Variants in ZNF530 observed in about 807,000 individuals in gnomAD.
The protein encoded by ZNF530 is zinc finger protein 530.
In ZNF530, 5 loss-of-function variants were observed where a neutral mutation model predicts 2.8. The observed-to-expected ratio is 1.80, with a 90% confidence interval of 0.94 to 3.78. The LOEUF is 3.78. Ranked by LOEUF, ZNF530 falls within the 30% of genes most tolerant of loss-of-function variation. ZNF530 has a pLI of 0.00. For missense variants in ZNF530, 619 were observed against 673.3 expected, an observed-to-expected ratio of 0.92 and a Z score of 0.89; for synonymous variants, 229 against 235.0, an observed-to-expected ratio of 0.97 and a Z score of 0.23.
chr19:57,601,046 G>T (rs1283327281), intron 2 of ZNF530, among the ~76,000 whole-genome samples: 1 of 152,222 alleles, frequency 6.6e-6, no homozygotes, highest in Non-Finnish European at 1.5e-5. Flanking sequence ...AGAACCTCAA[G>T]TCTCATTTCC....
rs1239750418 is a variant in ZNF530, at chr19:57,608,921, G to C, written c.*1596G>C. 1 of 151,874 alleles carries C rather than the reference G, an allele frequency of 6.6e-6. No homozygotes were observed. Among genetic ancestry groups the C allele is most frequent in the African/African-American group, 2.4e-5 (1 of 41,292 alleles). The allele number at this position is 151,874 out of a possible 1,614,324, so 9.4% of individuals were successfully genotyped here. ...GGCCAAGGTGGTGAAACCCTGGAAG[G>C]CTGAGGCAGATAATTGCTTGAACTT... On this transcript the variant is annotated 3_prime_UTR_variant, in exon 4 of 4. Transcript: ENST00000597700.
At position 57,607,347 on chromosome 19, in the gene ZNF530, C is replaced by CTT. The variant is rs10715037; in HGVS notation, c.*37_*38dup. ...GTGAATGTGGGAAATTATTTTGTCA[C>CTT]TTTTTTTTTTTTTTTTGAGATGGAA... On this transcript the variant is annotated 3_prime_UTR_variant, in exon 4 of 4. Coordinates refer to ENST00000597700, the MANE Select transcript of ZNF530 (RefSeq NM_001321981.2). 481 of 1,388,166 alleles carry CTT rather than the reference C, an allele frequency of 3.5e-4. No homozygotes were observed. Among genetic ancestry groups the CTT allele is most frequent in the Admixed American group, 1.3e-3 (55 of 43,100 alleles). The allele number at this position is 1,388,166 out of a possible 1,614,324, so 86.0% of individuals were successfully genotyped here.
downstream of ZNF530, chr19:57,612,607 A>G (rs1980917599): frequency 2.5e-6 from 1 of 398,316 alleles, no homozygotes; most frequent in Admixed American, 4.4e-5. Context: ...CTTGAGCCCA[A>G]GAGTTTGAGG....
chr19:57,606,636 A>G lies in ZNF530; in HGVS notation c.1012A>G (p.Arg338Gly). ...SHSTNLFRHW[R>G]VHTGVRPYEC... ...TAGCACTAACCTCTTTCGACACTGG[A>G]GAGTTCACACTGGAGTAAGGCCTTA... The change falls in exon 4 of 4, where the codon AGA (arginine) becomes GGA (glycine). Residue 338 changes from arginine to glycine, a missense_variant. Arg to Gly is a moderately radical substitution (Grantham distance 125). Transcript: ENST00000597700. The G allele has an allele frequency of 6.2e-7, 1 of 1,614,122 alleles. No homozygotes were observed. The highest frequency in any genetic ancestry group is 8.5e-7 in the Non-Finnish European group (1 of 1,180,018).
Position 57,610,033 on chromosome 19 carries a change from T to C in ZNF530, c.*2708T>C, listed in dbSNP as rs1452671238. The stretch of plus-strand genomic sequence containing the variant: ...GAAGTGTCAATGACCAAGATTGTTA[T>C]TGCATCCATTAAAAAAAAATCAAGT... On this transcript the variant is annotated 3_prime_UTR_variant, in exon 4 of 4. Transcript: ENST00000597700. Among the ~76,000 whole-genome samples the C allele has an allele frequency of 6.6e-6, 1 of 152,074 alleles. No individual in the cohort carries two copies. The highest frequency in any genetic ancestry group is 2.4e-5 in the African/African-American group (1 of 41,404).
At position 57,609,463 on chromosome 19, in the gene ZNF530, A is replaced by G. The variant is rs183800015; in HGVS notation, c.*2138A>G. On this transcript the variant is annotated 3_prime_UTR_variant, in exon 4 of 4. Transcript: ENST00000597700. ...AACATGGCGAAACCCTGTCTCTACT[A>G]AAAGTACAAAAATTGTAAAAGTAAA... Among the ~76,000 whole-genome samples, 2 of 152,344 alleles carry G rather than the reference A, an allele frequency of 1.3e-5. No homozygotes were observed. Among genetic ancestry groups the G allele is most frequent in the East Asian group, 3.9e-4 (2 of 5,190 alleles).
chr19:57,600,037 G>T lies in ZNF530; in HGVS notation c.-219G>T. 4 of 1,466,218 alleles carry T rather than the reference G, an allele frequency of 2.7e-6. No individual in the cohort carries two copies. Among genetic ancestry groups the T allele is most frequent in the Middle Eastern group, 2.0e-4 (1 of 5,070 alleles). The allele number at this position is 1,466,218 out of a possible 1,614,324, so 90.8% of individuals were successfully genotyped here. On this transcript the variant is annotated 5_prime_UTR_variant, in exon 1 of 4. Coordinates refer to ENST00000597700, the MANE Select transcript of ZNF530 (RefSeq NM_001321981.2). ...CCGGGGCCTGACGGTCGCCGGCGGT[G>T]GTGACAGCTTTGCTCTTGTCTCCGC...
rs1980801056 is a variant in ZNF530, at chr19:57,609,850, TG to T, written c.*2527del. On this transcript the variant is annotated 3_prime_UTR_variant, in exon 4 of 4. Transcript: ENST00000597700. ...AAGTCAAGAGAGATTCGGTTGTCCT[TG>T]GTGCGGCTTTTGTGATCCAGTAGCA... Among the ~76,000 whole-genome samples the T allele has an allele frequency of 6.6e-6, 1 of 152,062 alleles. No individual in the cohort carries two copies. Among genetic ancestry groups the T allele is most frequent in the African/African-American group, 2.4e-5 (1 of 41,412 alleles).
chr19:57,610,446 GTGTA>G (rs577368964), downstream of ZNF530, among the ~76,000 whole-genome samples: 617 of 148,756 alleles, frequency 4.1e-3, 8 homozygotes, highest in East Asian at 0.02. Context: ...GTGTGTGTGT[GTGTA>G]TACTTACTGT....
Position 57,600,039 on chromosome 19 carries a change from T to G in ZNF530, c.-217T>G. 6.8e-7 allele frequency: 1 copy of G among 1,468,122 alleles called. No individual in the cohort carries two copies. The highest frequency in any genetic ancestry group is 9.2e-7 in the Non-Finnish European group (1 of 1,092,386). The allele number at this position is 1,468,122 out of a possible 1,614,324, so 90.9% of individuals were successfully genotyped here. ...GGGGCCTGACGGTCGCCGGCGGTGG[T>G]GACAGCTTTGCTCTTGTCTCCGCCC... On this transcript the variant is annotated 5_prime_UTR_variant, in exon 1 of 4. Transcript: ENST00000597700.
At chr19:57,605,643 A>G (rs1238057556) in intron 3 of ZNF530, 43 bp from the exon 4 acceptor site, 2 of 1,530,452 alleles carry the variant, frequency 1.3e-6, no homozygotes, top group Non-Finnish European at 1.8e-6. Flanking sequence ...AACTTCTCAC[A>G]CCATAGTAAA....
Position 57,609,610 on chromosome 19 carries a change from G to A in ZNF530, c.*2285G>A, listed in dbSNP as rs887027717. ...AGATCGCACCATTGCACTTCGGCCT[G>A]GGCAACAACAGCGAAACTCTGTCTC... On this transcript the variant is annotated 3_prime_UTR_variant, in exon 4 of 4. Transcript: ENST00000597700. 6.6e-6 allele frequency among the ~76,000 whole-genome samples: 1 copy of A among 152,150 alleles called. No homozygotes were observed. The highest frequency in any genetic ancestry group is 2.4e-5 in the African/African-American group (1 of 41,432).
chr19:57,602,401 A>G (rs954858027), intron 2 of ZNF530, among the ~76,000 whole-genome samples: 1 of 152,186 alleles, frequency 6.6e-6, no homozygotes, highest in Non-Finnish European at 1.5e-5. Context: ...TTAGTGCTTC[A>G]ATGTAAGCAT....
At chr19:57,603,770 T>A (rs1980362397) in intron 2 of ZNF530, among the ~76,000 whole-genome samples, 1 of 152,202 alleles carries the variant, frequency 6.6e-6, no homozygotes, top group Non-Finnish European at 1.5e-5. Context: ...GTCTGGGTAG[T>A]CCTGGAACTT....
At chr19:57,600,255 C>A in intron 1 of ZNF530, 121 bp downstream of exon 1, 1 of 1,219,522 alleles carries the variant, frequency 8.2e-7, no homozygotes. Flanking sequence ...TGCTGGATCT[C>A]GTTTCTGGTA....
chr19:57,605,355 G>T, intron 3 of ZNF530: 1 of 210,220 alleles, frequency 4.8e-6, no homozygotes, highest in Non-Finnish European at 9.5e-6. Context: ...CAGTTCCCAT[G>T]GGTGTCTACT....
At chr19:57,601,993 T>C (rs1980265684) in intron 2 of ZNF530, among the ~76,000 whole-genome samples, 1 of 152,242 alleles carries the variant, frequency 6.6e-6, no homozygotes, top group Admixed American at 6.5e-5. Context: ...ACATTGGGGA[T>C]CACATTTCCA....
rs1422888766 is a variant in ZNF530, at chr19:57,599,948, CG to C, written c.-306del. 3.7e-6 allele frequency: 3 copies of C among 800,944 alleles called. No individual in the cohort carries two copies. In the African/African-American group the frequency reaches 5.2e-5, roughly 14 times the overall value. The allele number at this position is 800,944 out of a possible 1,614,324, so 49.6% of individuals were successfully genotyped here. ...TTGTGTCAGTTCCATCCGCGGGTGC[CG>C]GATCTGGACCTAGGTGCTGACAGCG... is the stretch of plus-strand genomic sequence containing the variant. On this transcript the variant is annotated 5_prime_UTR_variant, in exon 1 of 4. Coordinates refer to ENST00000597700, the MANE Select transcript of ZNF530 (RefSeq NM_001321981.2).
chr19:57,604,390 A>T lies in ZNF530; in HGVS notation c.45A>T (p.Ala15=). The T allele has an allele frequency of 6.2e-7, 1 of 1,613,788 alleles. No individual in the cohort carries two copies. Among genetic ancestry groups the T allele is most frequent in the Non-Finnish European group, 8.5e-7 (1 of 1,179,808 alleles). ...GCGATGTGATGCTGGAGAACTTTGCAGTTATGGCATCCCTAGGTAAGGCCC... is the reference window on the plus strand; with the variant it reads ...GCGATGTGATGCTGGAGAACTTTGCTGTTATGGCATCCCTAGGTAAGGCCC... ...LYRDVMLENF[A]VMASLGCWCG... Residue 15 remains alanine (A), a synonymous_variant, in exon 3 of 4, where the codon GCA becomes GCT. Coordinates refer to ENST00000597700, the MANE Select transcript of ZNF530 (RefSeq NM_001321981.2).
Sources: gnomAD v4.1 joint callset for allele counts (sites outside exome capture counted in the v4.1 genomes callset) on GRCh38, gnomAD v4.1.1 for gene constraint, MANE v1.5 for transcripts, NCBI Gene and HGNC (gene_info 2026-07-23, HGNC 2026-07-21) for gene names.